Variants in MAD1L1 observed in about 807,000 individuals in gnomAD.
MAD1L1 encodes the protein mitotic spindle assembly checkpoint protein MAD1.
MAD1L1 carries 95 observed loss-of-function variants against 96.9 expected under a neutral mutation model. That is an observed-to-expected ratio of 0.98 (90% confidence interval 0.83 to 1.16). The LOEUF is 1.16. Ranked by LOEUF, MAD1L1 falls within the 50% of genes most tolerant of loss-of-function variation. The probability of loss-of-function intolerance (pLI) is 0.00; values close to 1 mark genes in which losing one functional copy is unlikely to be tolerated. For missense variants in MAD1L1, 1,007 were observed against 954.4 expected, an observed-to-expected ratio of 1.06 and a Z score of -0.73; for synonymous variants, 473 against 396.6, an observed-to-expected ratio of 1.19 and a Z score of -2.29.
At chr7:2,130,754 G>A (rs747513074) in intron 11 of MAD1L1, among the ~76,000 whole-genome samples, 51 of 152,308 alleles carry the variant, frequency 3.3e-4, no homozygotes, top group Non-Finnish European at 6.3e-4. Flanking sequence ...CCCACTTCCA[G>A]TCACCGATCT....
chr7:2,197,588 C>T (rs954463351), intron 10 of MAD1L1, among the ~76,000 whole-genome samples: 2 of 152,174 alleles, frequency 1.3e-5, no homozygotes, highest in South Asian at 4.1e-4. Flanking sequence ...CCAGGACTGG[C>T]GGGCTGCAGA....
intron 11 of MAD1L1, among the ~76,000 whole-genome samples, chr7:2,082,469 G>A (rs572619688): frequency 5.9e-5 from 9 of 152,302 alleles, no homozygotes; most frequent in South Asian, 4.1e-4. Context: ...TGTCGGAGCC[G>A]TGACTTCAGC....
chr7:2,190,417 G>A (rs1442038621), intron 10 of MAD1L1, among the ~76,000 whole-genome samples: 1 of 152,166 alleles, frequency 6.6e-6, no homozygotes, highest in African/African-American at 2.4e-5. Flanking sequence ...AAAAGCTTGG[G>A]TTAGGCAGAT....
chr7:2,019,541 G>T (rs959261562), intron 12 of MAD1L1, among the ~76,000 whole-genome samples: 3 of 152,218 alleles, frequency 2.0e-5, no homozygotes, highest in Non-Finnish European at 4.4e-5. Context: ...TGCTTAAAAG[G>T]TGCACCAGGA....
At chr7:1,894,858 A>G (rs115163825) in intron 18 of MAD1L1, among the ~76,000 whole-genome samples, 2,792 of 152,180 alleles carry the variant, frequency 0.018, 78 homozygotes, top group African/African-American at 0.063. Context: ...GGCTGTGAAA[A>G]GAAGCCTAGG....
intron 17 of MAD1L1, among the ~76,000 whole-genome samples, chr7:1,935,037 G>A (rs1490217531): frequency 6.6e-6 from 1 of 152,234 alleles, no homozygotes; most frequent in Non-Finnish European, 1.5e-5. Context: ...GGGCAAACCC[G>A]AGACGGGCAG....
chr7:2,027,051 CAAA>C (rs1164086907), intron 12 of MAD1L1, among the ~76,000 whole-genome samples: 1 of 151,490 alleles, frequency 6.6e-6, no homozygotes, highest in African/African-American at 2.4e-5. Context: ...CTAGAGATCA[CAAA>C]AATATTAAAA....
At chr7:2,228,301 AC>A (rs761712210) in intron 3 of MAD1L1, among the ~76,000 whole-genome samples, 1 of 152,150 alleles carries the variant, frequency 6.6e-6, no homozygotes, top group Non-Finnish European at 1.5e-5. Context: ...CAACTCTGTC[AC>A]CCGGGCTGGA....
intron 18 of MAD1L1, among the ~76,000 whole-genome samples, chr7:1,870,693 C>A (rs1785020559): frequency 6.8e-6 from 1 of 147,784 alleles, no homozygotes; most frequent in African/African-American, 2.5e-5. Flanking sequence ...CCACACTGAA[C>A]CCAACATACA....
intron 18 of MAD1L1, among the ~76,000 whole-genome samples, chr7:1,890,158 G>A (rs1339663567): frequency 2.6e-5 from 4 of 152,204 alleles, no homozygotes; most frequent in East Asian, 1.9e-4. Context: ...TGGTGGGCTC[G>A]GATCCCCGGG....
chr7:2,013,125 T>C (rs951493641), intron 13 of MAD1L1, among the ~76,000 whole-genome samples: 25 of 152,224 alleles, frequency 1.6e-4, no homozygotes, highest in Non-Finnish European at 2.8e-4. Flanking sequence ...TGTCAGACTT[T>C]CCCTGGCACA....
chr7:2,103,535 G>C lies in MAD1L1; in HGVS notation c.1074-34197C>G, dbSNP rs1299586937. Among the ~76,000 whole-genome samples, 1 of 152,154 alleles carries C rather than the reference G, an allele frequency of 6.6e-6. No homozygotes were observed. Among genetic ancestry groups the C allele is most frequent in the Non-Finnish European group, 1.5e-5 (1 of 68,024 alleles). ...CTCTCGACCACCGTGCTCTTTGTTG[G>C]GCGGGGCAACCGCAGATGGGCCAGC... is the stretch of plus-strand genomic sequence containing the variant. On this transcript the variant is annotated intron_variant, in intron 11 of 18. Coordinates refer to ENST00000265854, the MANE Select transcript of MAD1L1 (RefSeq NM_001013836.2). The surrounding 1 kb of genome is among the most constrained non-coding windows in gnomAD (Gnocchi z 4.3).
intron 11 of MAD1L1, among the ~76,000 whole-genome samples, chr7:2,147,517 TG>T (rs1217763409): frequency 6.6e-6 from 1 of 152,198 alleles, no homozygotes; most frequent in African/African-American, 2.4e-5. Context: ...CTTCTCCCTT[TG>T]GCCTCCCAGA....
intron 10 of MAD1L1, among the ~76,000 whole-genome samples, chr7:2,186,999 G>C (rs1791493296): frequency 6.6e-6 from 1 of 151,988 alleles, no homozygotes; most frequent in Non-Finnish European, 1.5e-5. Context: ...CGCCATGTTG[G>C]CCAGGCTGAT....
At chr7:2,163,922 A>T (rs182032301) in intron 10 of MAD1L1, among the ~76,000 whole-genome samples, 2 of 152,202 alleles carry the variant, frequency 1.3e-5, no homozygotes, top group Non-Finnish European at 2.9e-5. Flanking sequence ...TCTGCAAACC[A>T]TCCCAAGCAT....
At chr7:1,956,515 T>C (rs1464108217) in intron 16 of MAD1L1, among the ~76,000 whole-genome samples, 1 of 152,180 alleles carries the variant, frequency 6.6e-6, no homozygotes, top group African/African-American at 2.4e-5. Flanking sequence ...TCTCCCCAAA[T>C]GGCCACACTG....
At chr7:2,027,973 A>G (rs1169305705) in intron 12 of MAD1L1, among the ~76,000 whole-genome samples, 1 of 152,240 alleles carries the variant, frequency 6.6e-6, no homozygotes. Context: ...AAATTATTAA[A>G]ATAAGTAGAT....
Position 2,225,461 on chromosome 7 carries a change from C to T in MAD1L1, c.240G>A (p.Arg80=). Residue 80 remains arginine (R), a synonymous_variant, in exon 4 of 19, where the codon AGG becomes AGA. Coordinates refer to ENST00000265854, the MANE Select transcript of MAD1L1 (RefSeq NM_001013836.2). ...CTGCTCTCTCCAGCTCCACTCGAGC[C>T]CTCTTGTGACTCAGCTCCATCTGCA... ...EKMQMELSHK[R]ARVELERAAS... 6.2e-7 allele frequency: 1 copy of T among 1,614,180 alleles called. No individual in the cohort carries two copies. The highest frequency in any genetic ancestry group is 8.5e-7 in the Non-Finnish European group (1 of 1,180,046).
chr7:1,824,350 CCT>C (rs1562428012), intron 18 of MAD1L1, among the ~76,000 whole-genome samples: 1 of 123,694 alleles, frequency 8.1e-6, no homozygotes, highest in Non-Finnish European at 1.9e-5. Context: ...CACCGACACA[CCT>C]CTCTTGAGCC....
Sources: gnomAD v4.1 joint callset for allele counts (sites outside exome capture counted in the v4.1 genomes callset) on GRCh38, gnomAD v4.1.1 for gene constraint, Gnocchi (gnomAD v3.1) non-coding constraint, MANE v1.5 for transcripts, NCBI Gene and HGNC (gene_info 2026-07-23, HGNC 2026-07-21) for gene names.